Variants in BLOC1S5 observed in about 807,000 individuals in gnomAD.
BLOC1S5 encodes the protein biogenesis of lysosome-related organelles complex 1 subunit 5.
In BLOC1S5, 27 loss-of-function variants were observed where a neutral mutation model predicts 24.3. That is an observed-to-expected ratio of 1.11 (90% CI 0.82 to 1.53). BLOC1S5 has a LOEUF of 1.53. Among genes scored for constraint, BLOC1S5 ranks in the 40% most tolerant of loss-of-function variants. BLOC1S5 has a pLI of 0.00. For missense variants in BLOC1S5, 239 were observed against 229.4 expected (o/e 1.04, Z -0.27); for synonymous variants, 84 against 74.5 (o/e 1.13, Z -0.66).
At chr6:8,016,248 C>T (rs1240863375) in intron 4 of BLOC1S5, among the ~76,000 whole-genome samples, 1 of 151,980 alleles carries the variant, frequency 6.6e-6, no homozygotes. Flanking sequence ...ATCGCCTGAA[C>T]CCAGAAGGCA....
At chr6:8,046,760 C>CTT (rs141285635) in intron 2 of BLOC1S5, among the ~76,000 whole-genome samples, 2 of 151,098 alleles carry the variant, frequency 1.3e-5, no homozygotes, top group African/African-American at 4.9e-5. Flanking sequence ...CAACCTGTAT[C>CTT]TTTTTTTTTG....
At chr6:8,058,052 AT>A (rs1348325765) in intron 2 of BLOC1S5, among the ~76,000 whole-genome samples, 1 of 151,972 alleles carries the variant, frequency 6.6e-6, no homozygotes. Context: ...TTTCCTATTT[AT>A]TTGTACATGT....
intron 2 of BLOC1S5, among the ~76,000 whole-genome samples, chr6:8,059,091 A>G (rs1383233995): frequency 6.6e-6 from 1 of 152,232 alleles, no homozygotes; most frequent in African/African-American, 2.4e-5. Flanking sequence ...CCAAGGCTAG[A>G]AAGACAGTGG....
chr6:8,062,751 A>G, intron 1 of BLOC1S5, 135 bp from the exon 2 acceptor site: 1 of 579,570 alleles, frequency 1.7e-6, no homozygotes, highest in Non-Finnish European at 3.1e-6. Flanking sequence ...AAGAAATCTC[A>G]TCCACTGCCA....
intron 2 of BLOC1S5, among the ~76,000 whole-genome samples, chr6:8,046,304 C>T (rs1446852833): frequency 1.3e-5 from 2 of 152,134 alleles, no homozygotes; most frequent in African/African-American, 4.8e-5. Flanking sequence ...TGTTTAAGTC[C>T]AATTACACCT....
intron 2 of BLOC1S5, among the ~76,000 whole-genome samples, chr6:8,054,629 G>A (rs1388060891): frequency 6.6e-6 from 1 of 152,208 alleles, no homozygotes; most frequent in Non-Finnish European, 1.5e-5. Flanking sequence ...GTTAACAACT[G>A]CGTTTTCTTG....
chr6:8,056,912 A>C (rs1043175065), intron 2 of BLOC1S5, among the ~76,000 whole-genome samples: 13 of 152,184 alleles, frequency 8.5e-5, no homozygotes, highest in Non-Finnish European at 2.9e-5. Context: ...ACCCATTAAT[A>C]ATCAATTTAA....
At chr6:8,041,097 C>A (rs1456213952) in intron 3 of BLOC1S5, 42 bp downstream of exon 3, 2 of 1,554,676 alleles carry the variant, frequency 1.3e-6, no homozygotes, top group South Asian at 1.2e-5. Flanking sequence ...GTGTAGCATT[C>A]ATTTGAAATG....
At chr6:8,032,112 A>T (rs1763318453) in intron 3 of BLOC1S5, among the ~76,000 whole-genome samples, 1 of 152,184 alleles carries the variant, frequency 6.6e-6, no homozygotes, top group African/African-American at 2.4e-5. Flanking sequence ...AACAAAGACA[A>T]ATAGATGGGA....
intron 4 of BLOC1S5, among the ~76,000 whole-genome samples, chr6:8,018,244 T>C (rs1484206666): frequency 6.6e-6 from 1 of 152,238 alleles, no homozygotes; most frequent in Non-Finnish European, 1.5e-5. Flanking sequence ...ATGAAGAGTT[T>C]ATTAAATCTT....
chr6:8,027,102 A>T, intron 3 of BLOC1S5: 1 of 314,318 alleles, frequency 3.2e-6, no homozygotes, highest in Non-Finnish European at 6.3e-6. Context: ...TCAACACTCT[A>T]CCGCCTCTTT....
intron 3 of BLOC1S5, among the ~76,000 whole-genome samples, chr6:8,040,025 G>A (rs1430748749): frequency 1.3e-5 from 2 of 152,156 alleles, no homozygotes; most frequent in Non-Finnish European, 2.9e-5. Context: ...AGACTGAGAA[G>A]GAGGAGCCTG....
At chr6:8,017,001 G>C (rs1018466690) in intron 4 of BLOC1S5, among the ~76,000 whole-genome samples, 4 of 151,646 alleles carry the variant, frequency 2.6e-5, no homozygotes, top group African/African-American at 9.7e-5. Context: ...GCTATATAAG[G>C]ATGAAAGGTT....
intron 3 of BLOC1S5, chr6:8,027,384 C>A (rs1338349236): frequency 2.2e-6 from 1 of 456,602 alleles, no homozygotes; most frequent in Non-Finnish European, 4.4e-6. Flanking sequence ...TATCTCTCAG[C>A]AACTTAGTTC....
At chr6:8,033,837 T>G (rs971164390) in intron 3 of BLOC1S5, among the ~76,000 whole-genome samples, 2 of 152,192 alleles carry the variant, frequency 1.3e-5, no homozygotes, top group African/African-American at 4.8e-5. Context: ...CAGACACTTC[T>G]CAAAAGAAGA....
At chr6:8,050,391 C>T (rs1173683404) in intron 2 of BLOC1S5, among the ~76,000 whole-genome samples, 1 of 152,054 alleles carries the variant, frequency 6.6e-6, no homozygotes, top group Non-Finnish European at 1.5e-5. Flanking sequence ...CTTGGGCCTC[C>T]GTATTCCCTG....
At chr6:8,036,334 G>A (rs1763488270) in intron 3 of BLOC1S5, among the ~76,000 whole-genome samples, 2 of 152,062 alleles carry the variant, frequency 1.3e-5, no homozygotes, top group South Asian at 2.1e-4. Context: ...AAATAATAGA[G>A]ACCAGAGCAG....
chr6:8,027,809 C>T (rs981793272), intron 3 of BLOC1S5, among the ~76,000 whole-genome samples: 5 of 138,704 alleles, frequency 3.6e-5, no homozygotes, highest in Non-Finnish European at 7.7e-5. Context: ...GGCAACAGAG[C>T]GAGACTCCAT....
chr6:8,035,528 C>T (rs1211763349), intron 3 of BLOC1S5, among the ~76,000 whole-genome samples: 1 of 151,912 alleles, frequency 6.6e-6, no homozygotes, highest in Non-Finnish European at 1.5e-5. Flanking sequence ...TCTTACATTT[C>T]CACGCAACCA....
Sources: allele counts gnomAD v4.1 joint callset (sites outside exome capture counted in the v4.1 genomes callset), GRCh38; gene constraint gnomAD v4.1.1; transcripts MANE v1.5; gene names NCBI Gene and HGNC (gene_info 2026-07-23, HGNC 2026-07-21).